Variants in ACVR1 observed in about 807,000 individuals in gnomAD.
The protein encoded by ACVR1 is activin receptor type-1.
Under a neutral mutation model 57.1 loss-of-function variants are expected in ACVR1, and 38 were observed. That is an observed-to-expected ratio of 0.67 (90% CI 0.51 to 0.87). The LOEUF is 0.87. Ranked by LOEUF, ACVR1 falls within the 40% of genes least tolerant of loss-of-function variation. The probability of loss-of-function intolerance (pLI) is 0.00; values close to 1 mark genes in which losing one functional copy is unlikely to be tolerated. For synonymous variants in ACVR1, 212 were observed against 228.1 expected (o/e 0.93, Z 0.63); for missense variants, 463 against 638.2 (o/e 0.73, Z 2.96).
chr2:157,872,915 G>A (rs761226352), intron 1 of ACVR1, among the ~76,000 whole-genome samples: 21 of 151,896 alleles, frequency 1.4e-4, no homozygotes, highest in Non-Finnish European at 2.4e-4. Flanking sequence ...TTTATTCCAG[G>A]TCCCTGCAAC....
intron 3 of ACVR1, among the ~76,000 whole-genome samples, chr2:157,795,377 AACACACACACACACACACACACACACAC>A (rs4029027): frequency 6.7e-5 from 9 of 134,118 alleles, no homozygotes; most frequent in Non-Finnish European, 1.1e-4. Context: ...CCTTCCATAG[AACACACACACACACACACACACACACAC>A]ACACACACAC....
intron 1 of ACVR1, among the ~76,000 whole-genome samples, chr2:157,830,072 AG>A (rs1364936156): frequency 5.9e-5 from 9 of 152,216 alleles, no homozygotes. Context: ...TACAAAAATT[AG>A]CCAGGTGTGG....
At chr2:157,741,556 C>T (rs1350537438) in intron 9 of ACVR1, among the ~76,000 whole-genome samples, 3 of 150,168 alleles carry the variant, frequency 2.0e-5, no homozygotes, top group Non-Finnish European at 3.0e-5. Context: ...ACCCAGGAGG[C>T]GTAGGTTGCA....
At chr2:157,790,584 AG>A (rs1314532922) in intron 3 of ACVR1, among the ~76,000 whole-genome samples, 1 of 152,144 alleles carries the variant, frequency 6.6e-6, no homozygotes, top group African/African-American at 2.4e-5. Flanking sequence ...CATTATTATT[AG>A]ATTATTGTTG....
chr2:157,840,084 A>G lies in ACVR1; in HGVS notation c.-182-21525T>C, dbSNP rs559316672. ...GATTTTACAGGAACTACTAGAAAAG[A>G]AAGTGTGATTTTCTCATTATACTTG... On this transcript the variant is annotated intron_variant, in intron 1 of 10. Transcript: ENST00000434821. Among the ~76,000 whole-genome samples, 4 of 152,332 alleles carry G rather than the reference A, an allele frequency of 2.6e-5. No homozygotes were observed. In the East Asian group the frequency reaches 7.7e-4, roughly 29 times the overall value.
intron 1 of ACVR1, among the ~76,000 whole-genome samples, chr2:157,871,557 C>A (rs1397022335): frequency 6.6e-6 from 1 of 152,142 alleles, no homozygotes; most frequent in Non-Finnish European, 1.5e-5. Context: ...GAAATAAAGG[C>A]CAAATACCCA....
At chr2:157,778,708 G>A (rs1047318834) in intron 4 of ACVR1, among the ~76,000 whole-genome samples, 8 of 152,156 alleles carry the variant, frequency 5.3e-5, no homozygotes, top group African/African-American at 1.9e-4. Flanking sequence ...AAGAGAAAGG[G>A]CTACCTGAGC....
Position 157,826,757 on chromosome 2 carries a change from AAAGGAAAGGAAAGGAAAGGAAAGGAAAGG to A in ACVR1, c.-182-8227_-182-8199del, listed in dbSNP as rs1559080598. On this transcript the variant is annotated intron_variant, in intron 1 of 10. Coordinates refer to ENST00000434821, the MANE Select transcript of ACVR1 (RefSeq NM_001111067.4). ...AAAGGAAAGGAAAGGAAAGGAAAGG[AAAGGAAAGGAAAGGAAAGGAAAGGAAAGG>A]AAAGGGAAAGGGAAAAGGAAAAGGA... 412 of 107,278 alleles carry A rather than the reference AAAGGAAAGGAAAGGAAAGGAAAGGAAAGG, an allele frequency of 3.8e-3. 18 individuals carry two copies. The highest frequency in any genetic ancestry group is 0.021 in the African/African-American group (389 of 18,538). 6.6% of individuals were successfully genotyped at this position (107,278 alleles called of 1,614,324 possible).
chr2:157,826,784 AGGAAAG>A (rs1559080714), intron 1 of ACVR1: 1 of 88,774 alleles, frequency 1.1e-5, no homozygotes, highest in African/African-American at 6.7e-5. Context: ...AGGAAAGGAA[AGGAAAG>A]GGAAAGGGAA....
chr2:157,809,196 T>C (rs927603502), intron 2 of ACVR1, among the ~76,000 whole-genome samples: 4 of 152,132 alleles, frequency 2.6e-5, no homozygotes, highest in African/African-American at 9.7e-5. Context: ...AGCAACCAGA[T>C]CAACCTACTC....
intron 3 of ACVR1, among the ~76,000 whole-genome samples, chr2:157,792,035 T>TACCATA (rs2105296070): frequency 6.6e-6 from 1 of 152,232 alleles, no homozygotes; most frequent in Admixed American, 6.5e-5. Context: ...TTGGTGTAGG[T>TACCATA]ACCATAATTC....
intron 1 of ACVR1, among the ~76,000 whole-genome samples, chr2:157,853,165 C>T (rs1574149184): frequency 1.3e-5 from 2 of 152,018 alleles, no homozygotes; most frequent in Non-Finnish European, 2.9e-5. Flanking sequence ...CACAATTACC[C>T]AAAAAATAAA....
chr2:157,869,203 A>G (rs757565701), intron 1 of ACVR1, among the ~76,000 whole-genome samples: 6 of 152,222 alleles, frequency 3.9e-5, no homozygotes, highest in Non-Finnish European at 8.8e-5. Flanking sequence ...ATGATGATGC[A>G]CACTGGAGCT....
intron 1 of ACVR1, among the ~76,000 whole-genome samples, chr2:157,867,109 AG>A (rs539478684): frequency 1.3e-5 from 2 of 152,230 alleles, no homozygotes; most frequent in African/African-American, 4.8e-5. Flanking sequence ...ATTCCAACCC[AG>A]GTGCTCTTGG....
At chr2:157,749,698 G>A (rs1442748880) in intron 9 of ACVR1, among the ~76,000 whole-genome samples, 1 of 152,176 alleles carries the variant, frequency 6.6e-6, no homozygotes, top group African/African-American at 2.4e-5. Flanking sequence ...GTGTCTACAG[G>A]CACGATCAGG....
In ACVR1 at chr2:157,779,656, A is replaced by G. The variant is rs146925245; in HGVS notation, c.331+681T>C. ...GGTAAGAGAATAAATTTGGCTTGGAATGAGTTTACATAAATGTTTGCAGAG... is the reference window on the plus strand; with the variant it reads ...GGTAAGAGAATAAATTTGGCTTGGAGTGAGTTTACATAAATGTTTGCAGAG... On this transcript the variant is annotated intron_variant, in intron 4 of 10. Coordinates refer to ENST00000434821, the MANE Select transcript of ACVR1 (RefSeq NM_001111067.4). Among the ~76,000 whole-genome samples, 522 of 152,320 alleles carry G rather than the reference A, an allele frequency of 3.4e-3. 4 individuals are homozygous for G. Among genetic ancestry groups the G allele is most frequent in the African/African-American group, 0.011 (456 of 41,572 alleles).
rs558532108 is a variant in ACVR1 at position 157,779,958 on chromosome 2, A to G, written c.331+379T>C. On this transcript the variant is annotated intron_variant, in intron 4 of 10. Coordinates refer to ENST00000434821, the MANE Select transcript of ACVR1 (RefSeq NM_001111067.4). Reference sequence around the variant, plus strand: ...CAGTCCGTTCTGTTTTCCTCCCTACACACTTGACACAGAGATGAGTATTTA... The same window carrying G: ...CAGTCCGTTCTGTTTTCCTCCCTACGCACTTGACACAGAGATGAGTATTTA... 2.0e-5 allele frequency among the ~76,000 whole-genome samples: 3 copies of G among 152,290 alleles called. No individual in the cohort carries two copies. The East Asian group carries it at 5.8e-4, about 29-fold the overall frequency.
chr2:157,790,915 T>C (rs1335218488), intron 3 of ACVR1, among the ~76,000 whole-genome samples: 1 of 152,228 alleles, frequency 6.6e-6, no homozygotes, highest in Non-Finnish European at 1.5e-5. Flanking sequence ...GGCTCTGCCA[T>C]GCCTGCAGGG....
rs534762162 is a variant in ACVR1 at position 157,787,531 on chromosome 2, A to G, written c.68-6931T>C. Among the ~76,000 whole-genome samples, 36 of 152,298 alleles carry G rather than the reference A, an allele frequency of 2.4e-4. No homozygotes were observed. The South Asian group carries it at 7.5e-3, about 32-fold the overall frequency. ...AACAGAGAGTAGAATAATCTGGAGG[A>G]ACAGGGAAGAAAGTCCCAGTGAATT... On this transcript the variant is annotated intron_variant, in intron 3 of 10. Transcript: ENST00000434821.
Sources: allele counts gnomAD v4.1 joint callset (sites outside exome capture counted in the v4.1 genomes callset), GRCh38; gene constraint gnomAD v4.1.1; transcripts MANE v1.5; gene names NCBI Gene and HGNC (gene_info 2026-07-23, HGNC 2026-07-21).